Variants in ATG13 observed in about 807,000 individuals in gnomAD.
ATG13 encodes autophagy related 13.
ATG13 carries 23 observed loss-of-function variants against 65.5 expected under a neutral mutation model. The observed-to-expected ratio is 0.35, with a 90% CI of 0.25 to 0.50. ATG13 has a LOEUF of 0.50. Among genes scored for constraint, ATG13 ranks in the 20% least tolerant of loss-of-function variants. ATG13 has a pLI of 0.98. For missense variants in ATG13, 566 were observed against 677.0 expected (o/e 0.84, Z 1.82); for synonymous variants, 252 against 245.2 (o/e 1.03, Z -0.26).
At position 46,657,393 on chromosome 11, in the gene ATG13, A is replaced by G. The variant is rs2060256636; in HGVS notation, c.597-131A>G. 3 of 1,015,294 alleles carry G rather than the reference A, an allele frequency of 3.0e-6. No homozygotes were observed. In the Admixed American group the frequency reaches 6.2e-5, roughly 21 times the overall value. The allele number at this position is 1,015,294 out of a possible 1,614,324, so 62.9% of individuals were successfully genotyped here. ...CCAGAACGTAGGATTGGTGGTTTAT[A>G]TTTAGGGATTGTGATAGTTAAAGCT... On this transcript the variant is annotated intron_variant, in intron 9 of 18. Transcript: ENST00000683050.
chr11:46,635,156 G>A (rs1443691820), intron 2 of ATG13, among the ~76,000 whole-genome samples: 4 of 151,688 alleles, frequency 2.6e-5, no homozygotes, highest in East Asian at 3.9e-4. Flanking sequence ...TACAGGCTGC[G>A]GCACCACTCC....
intron 5 of ATG13, among the ~76,000 whole-genome samples, chr11:46,647,509 T>C (rs1448484318): frequency 6.6e-6 from 1 of 151,854 alleles, no homozygotes; most frequent in Non-Finnish European, 1.5e-5. Flanking sequence ...AACTCCTGAC[T>C]TCAGGTGATC....
chr11:46,650,876 T>C (rs1397710600), intron 7 of ATG13, among the ~76,000 whole-genome samples: 3 of 152,150 alleles, frequency 2.0e-5, no homozygotes, highest in South Asian at 4.1e-4. Context: ...AGTGCTGGGA[T>C]TATAGGTGTG....
rs759249448 is a variant in ATG13 at position 46,645,905 on chromosome 11, A to G, written c.186A>G (p.Thr62=). 7.4e-6 allele frequency: 12 copies of G among 1,614,094 alleles called. No individual in the cohort carries two copies. The highest frequency in any genetic ancestry group is 2.7e-5 in the African/African-American group (2 of 74,944). ...CAATCAAAGACATCCCAGAGGTTAC[A>G]CATGAAGCAAAGAAGGCACTGGCAG... ...NLAIKDIPEV[T]HEAKKALAGQ... is the part of the protein sequence containing the mutation. The change falls in exon 5 of 19, where the codon ACA becomes ACG. Residue 62 remains threonine (T), a synonymous_variant. Transcript: ENST00000683050.
At chr11:46,663,965 T>TTTAAACA in intron 11 of ATG13, 32 bp from the exon 12 acceptor site, 2 of 1,259,032 alleles carry the variant, frequency 1.6e-6, no homozygotes, top group Non-Finnish European at 2.2e-6. Flanking sequence ...TTTTTTTTTG[T>TTTAAACA]TTCTCCTGTC....
At chr11:46,633,327 AATTTT>A (rs1390251245) in intron 2 of ATG13, among the ~76,000 whole-genome samples, 2 of 150,144 alleles carry the variant, frequency 1.3e-5, no homozygotes, top group Non-Finnish European at 3.0e-5. Context: ...AGCCCCCAAA[AATTTT>A]ATTTTATTTT....
At chr11:46,622,503 C>G (rs2048071412) in intron 1 of ATG13, among the ~76,000 whole-genome samples, 1 of 152,144 alleles carries the variant, frequency 6.6e-6, no homozygotes, top group Non-Finnish European at 1.5e-5. Context: ...TCCCTTACTT[C>G]ATGCATTCAT....
intron 2 of ATG13, among the ~76,000 whole-genome samples, chr11:46,638,064 G>A (rs1435914419): frequency 6.6e-6 from 1 of 152,170 alleles, no homozygotes; most frequent in Admixed American, 6.5e-5. Context: ...TGTCTAAATT[G>A]TGTAGTGACC....
At chr11:46,624,882 A>G (rs1444027317) in intron 1 of ATG13, among the ~76,000 whole-genome samples, 1 of 152,008 alleles carries the variant, frequency 6.6e-6, no homozygotes, top group Non-Finnish European at 1.5e-5. Context: ...AAAAATAAAA[A>G]ATTACCTGGG....
At chr11:46,672,208 C>G (rs1243936059) in intron 18 of ATG13, 47 bp from the exon 19 acceptor site, 1 of 1,613,490 alleles carries the variant, frequency 6.2e-7, no homozygotes, top group Non-Finnish European at 8.5e-7. Flanking sequence ...GCTGCCTCCT[C>G]AAGGCCCTGC....
At chr11:46,671,846 G>T (rs2063803015) in intron 18 of ATG13, among the ~76,000 whole-genome samples, 1 of 152,228 alleles carries the variant, frequency 6.6e-6, no homozygotes, top group South Asian at 2.1e-4. Flanking sequence ...ATTCCCCCCA[G>T]GGGGTCCCGA....
intron 2 of ATG13, among the ~76,000 whole-genome samples, chr11:46,634,498 A>G (rs997763868): frequency 7.1e-6 from 1 of 141,058 alleles, no homozygotes; most frequent in Non-Finnish European, 1.5e-5. Flanking sequence ...CCCGGGTTCA[A>G]GCAGTCCTGA....
intron 2 of ATG13, among the ~76,000 whole-genome samples, chr11:46,636,928 C>G (rs578004872): frequency 1.3e-5 from 2 of 152,130 alleles, no homozygotes; most frequent in Non-Finnish European, 2.9e-5. Flanking sequence ...GGGGTTTCAC[C>G]ATGTTGGCTA....
At chr11:46,620,274 T>C (rs914943891) in intron 1 of ATG13, among the ~76,000 whole-genome samples, 3 of 150,854 alleles carry the variant, frequency 2.0e-5, no homozygotes, top group African/African-American at 7.3e-5. Context: ...TTTGTATTTT[T>C]AGTGGAGATG....
At chr11:46,657,057 C>T (rs764676873) in intron 8 of ATG13, 38 bp from the exon 9 acceptor site, 1 of 1,539,954 alleles carries the variant, frequency 6.5e-7, no homozygotes, top group South Asian at 1.1e-5. Flanking sequence ...TGTCAGTATT[C>T]TCTGCAAAAG....
intron 6 of ATG13, 69 bp downstream of exon 6, chr11:46,649,252 G>A: frequency 6.5e-7 from 1 of 1,537,660 alleles, no homozygotes; most frequent in Non-Finnish European, 8.9e-7. Context: ...CATGTGAAAA[G>A]CAGGGCTTTG....
chr11:46,631,346 A>G (rs2051668918), intron 2 of ATG13, among the ~76,000 whole-genome samples: 1 of 152,152 alleles, frequency 6.6e-6, no homozygotes, highest in Non-Finnish European at 1.5e-5. Context: ...TGGACCACCA[A>G]GCTGGCCTAT....
rs1565608758 is a variant in ATG13 at position 46,665,357 on chromosome 11, C to G, written c.1000-26C>G. 3.1e-6 allele frequency: 5 copies of G among 1,608,638 alleles called. No homozygotes were observed. The South Asian group carries it at 4.4e-5, about 14-fold the overall frequency. On this transcript the variant is annotated intron_variant, in intron 13 of 18. Transcript: ENST00000683050. Reference sequence around the variant, plus strand: ...CTCCTGCCTGGCATGCCATGATTCACTGTCTCTTTCCATTTTTCCCCAAAG... The same window carrying G: ...CTCCTGCCTGGCATGCCATGATTCAGTGTCTCTTTCCATTTTTCCCCAAAG...
chr11:46,659,163 A>T (rs1204007727), intron 10 of ATG13, among the ~76,000 whole-genome samples: 1 of 152,204 alleles, frequency 6.6e-6, no homozygotes, highest in Non-Finnish European at 1.5e-5. Flanking sequence ...TGACAGAGTG[A>T]CACCTTGTCT....
Sources: allele counts gnomAD v4.1 joint callset (sites outside exome capture counted in the v4.1 genomes callset), GRCh38; gene constraint gnomAD v4.1.1; transcripts MANE v1.5; gene names NCBI Gene and HGNC (gene_info 2026-07-23, HGNC 2026-07-21).